The following WASHC2A variants were observed in gnomAD, a reference collection of about 807,000 sequenced individuals.
WASHC2A encodes the protein WASH complex subunit FAM21A.
WASHC2A carries 82 observed loss-of-function variants against 140.3 expected under a neutral mutation model. The observed-to-expected ratio is 0.58, with a 90% CI of 0.49 to 0.70. WASHC2A has a LOEUF of 0.70. Ranked by LOEUF, WASHC2A falls within the 30% of genes least tolerant of loss-of-function variation. The pLI is 0.00. For missense variants in WASHC2A, 985 were observed against 1,521.8 expected (o/e 0.65, Z 5.87); for synonymous variants, 340 against 560.8 (o/e 0.61, Z 5.56).
intron 17 of WASHC2A, among the ~76,000 whole-genome samples, chr10:50,100,645 T>C (rs1194552602): frequency 3.3e-5 from 5 of 152,206 alleles, no homozygotes; most frequent in Non-Finnish European, 7.3e-5. Context: ...CATGGGCTCA[T>C]GATGTGATGA....
At chr10:50,092,605 C>T (rs1840039541) in intron 11 of WASHC2A, among the ~76,000 whole-genome samples, 1 of 151,992 alleles carries the variant, frequency 6.6e-6, no homozygotes, top group South Asian at 2.1e-4. Flanking sequence ...TGCAGTGAGC[C>T]TTGATCGCGC....
intron 21 of WASHC2A, among the ~76,000 whole-genome samples, chr10:50,115,402 A>G (rs1420652046): frequency 3.3e-5 from 3 of 90,590 alleles, no homozygotes; most frequent in Non-Finnish European, 7.0e-5. Flanking sequence ...TGCGTCCCAG[A>G]GTGGGCCACA....
In WASHC2A at chr10:50,095,285, T is replaced by C. The variant is rs1282955690; in HGVS notation, c.1240+78T>C. ...ATTTCAAAATTATCATCTTCTAAAG[T>C]CTGGCTGGAGATGAGGAAGTACCTG... is the stretch of plus-strand genomic sequence containing the variant. On this transcript the variant is annotated intron_variant, in intron 14 of 30. Transcript: ENST00000282633. 1.2e-4 allele frequency: 154 copies of C among 1,287,964 alleles called. 1 individual carries two copies. The highest frequency in any genetic ancestry group is 3.3e-4 in the East Asian group (13 of 39,838). 79.8% of individuals were successfully genotyped at this position (1,287,964 alleles called of 1,614,324 possible).
intron 23 of WASHC2A, among the ~76,000 whole-genome samples, chr10:50,123,983 A>G (rs1843201851): frequency 6.6e-6 from 1 of 152,202 alleles, no homozygotes; most frequent in South Asian, 2.1e-4. Flanking sequence ...TAGTTGTGAA[A>G]TATTTAACAT....
At chr10:50,131,374 A>C (rs1843949091) in intron 30 of WASHC2A, among the ~76,000 whole-genome samples, 1 of 152,226 alleles carries the variant, frequency 6.6e-6, no homozygotes, top group Non-Finnish European at 1.5e-5. Flanking sequence ...CCCCGGTGTT[A>C]TGAAAGGAGG....
rs1839861235 is a variant in WASHC2A, at chr10:50,090,804, A to G, written c.761A>G (p.Glu254Gly). 7.4e-6 allele frequency: 12 copies of G among 1,611,552 alleles called. No homozygotes were observed. Among genetic ancestry groups the G allele is most frequent in the Non-Finnish European group, 9.3e-6 (11 of 1,179,774 alleles). Reference protein sequence around the residue: ...RHTTQMSDEEEDDDGCDLFAD... With the variant: ...RHTTQMSDEEGDDDGCDLFAD... The stretch of plus-strand genomic sequence containing the variant: ...ACCACACAAATGAGTGATGAGGAAG[A>G]GGATGATGATGGCTGTGACCTTTTC... The change falls in exon 9 of 31, where the codon GAG (glutamate) becomes GGG (glycine). Residue 254 changes from glutamate (E) to glycine (G), a missense_variant. Glu to Gly is a moderately conservative substitution (Grantham distance 98, BLOSUM62 -2). Transcript: ENST00000282633.
chr10:50,071,642 AT>A (rs1837833391), intron 3 of WASHC2A, among the ~76,000 whole-genome samples: 6 of 148,934 alleles, frequency 4.0e-5, no homozygotes, highest in Admixed American at 4.0e-4. Flanking sequence ...CTTGTACCAG[AT>A]TGGTACTAGA....
chr10:50,083,196 C>T (rs1312128094), intron 5 of WASHC2A, among the ~76,000 whole-genome samples: 1 of 113,594 alleles, frequency 8.8e-6, no homozygotes, highest in Non-Finnish European at 1.8e-5. Flanking sequence ...TATTGGGTTT[C>T]ACCACGTTGG....
chr10:50,131,609 G>A (rs1301204239), intron 30 of WASHC2A, among the ~76,000 whole-genome samples: 26 of 152,178 alleles, frequency 1.7e-4, no homozygotes, highest in Admixed American at 1.7e-3. Context: ...CACAACTTCT[G>A]CTTTATTAGT....
intron 14 of WASHC2A, 80 bp downstream of exon 14, chr10:50,095,287 T>C (rs1235600086): frequency 0.31 from 375,277 of 1,229,814 alleles, 57,782 homozygotes; most frequent in Middle Eastern, 0.38. Context: ...TTCTAAAGTC[T>C]GGCTGGAGAT....
At chr10:50,104,961 A>C (rs1163360308) in intron 18 of WASHC2A, among the ~76,000 whole-genome samples, 4 of 150,446 alleles carry the variant, frequency 2.7e-5, no homozygotes, top group Non-Finnish European at 5.9e-5. Context: ...TCTAGGCCAC[A>C]TGGTTTGTCT....
In WASHC2A at chr10:50,129,466, T is replaced by C; in HGVS notation, c.3135T>C (p.Ala1045=). ...AGCGTAGACCGCAGACCCGTGCAGC[T>C]AGGCGGCTGGCTGCTCAGGAGTCCA... ...RGKRRPQTRA[A]RRLAAQESSE... is the part of the protein sequence containing the mutation. The change falls in exon 29 of 31, where the codon GCT becomes GCC. Residue 1045 remains alanine, a synonymous_variant. Coordinates refer to ENST00000282633, the MANE Select transcript of WASHC2A (RefSeq NM_001005751.3). The C allele has an allele frequency of 1.2e-6, 2 of 1,612,048 alleles. No homozygotes were observed. The highest frequency in any genetic ancestry group is 1.7e-6 in the Non-Finnish European group (2 of 1,179,864).
intron 19 of WASHC2A, among the ~76,000 whole-genome samples, chr10:50,106,697 C>G (rs1259148420): frequency 7.2e-6 from 1 of 138,658 alleles, no homozygotes; most frequent in Non-Finnish European, 1.6e-5. Flanking sequence ...ATAGTGTATG[C>G]TCCTTCAAAT....
At chr10:50,074,913 C>T (rs1838167624) in intron 3 of WASHC2A, among the ~76,000 whole-genome samples, 1 of 149,642 alleles carries the variant, frequency 6.7e-6, no homozygotes, top group Admixed American at 6.9e-5. Context: ...AAGACTCCGT[C>T]TCAAAAAAAT....
At chr10:50,102,016 T>C (rs369546262) in intron 17 of WASHC2A, among the ~76,000 whole-genome samples, 4 of 150,366 alleles carry the variant, frequency 2.7e-5, no homozygotes, top group Non-Finnish European at 4.4e-5. Context: ...GTCAACGGTG[T>C]TCCTTTTGCT....
At chr10:50,116,798 T>C (rs1298301670) in intron 21 of WASHC2A, among the ~76,000 whole-genome samples, 1 of 149,328 alleles carries the variant, frequency 6.7e-6, no homozygotes, top group African/African-American at 2.5e-5. Flanking sequence ...CTTGCTCTCT[T>C]CTTTCTTCAT....
Position 50,095,595 on chromosome 10 carries a change from A to G in WASHC2A, c.1241-4A>G, listed in dbSNP as rs1840415727. 1.9e-6 allele frequency: 3 copies of G among 1,611,874 alleles called. No homozygotes were observed. Among genetic ancestry groups the G allele is most frequent in the Non-Finnish European group, 2.5e-6 (3 of 1,179,854 alleles). ...CTGTGGCTGTCTTGTCTTTCCACCC[A>G]CAGGAGACACGGATGTGTTTGGTGC... On this transcript the variant is annotated splice_region_variant and splice_polypyrimidine_tract_variant and intron_variant, in intron 14 of 30. Coordinates refer to ENST00000282633, the MANE Select transcript of WASHC2A (RefSeq NM_001005751.3).
At chr10:50,079,545 T>C (rs1473382703) in intron 4 of WASHC2A, among the ~76,000 whole-genome samples, 76 of 152,268 alleles carry the variant, frequency 5.0e-4, no homozygotes, top group African/African-American at 1.7e-3. Context: ...TACAGGCGTG[T>C]GCCACCACGC....
intron 6 of WASHC2A, among the ~76,000 whole-genome samples, chr10:50,084,594 C>G (rs1203561565): frequency 6.6e-6 from 1 of 151,268 alleles, no homozygotes; most frequent in African/African-American, 2.4e-5. Context: ...CCACACCTGG[C>G]CAATTTTTGT....
Sources: allele counts gnomAD v4.1 joint callset (sites outside exome capture counted in the v4.1 genomes callset), GRCh38; gene constraint gnomAD v4.1.1; transcripts MANE v1.5; gene names NCBI Gene and HGNC (gene_info 2026-07-23, HGNC 2026-07-21).